ITPR1: variants seen among roughly 807,000 people sequenced by gnomAD.
The protein encoded by ITPR1 is inositol 1,4,5-trisphosphate receptor type 1.
In ITPR1, 96 loss-of-function variants were observed where a neutral mutation model predicts 318.4. That is an observed-to-expected ratio of 0.30 (90% CI 0.26 to 0.36). ITPR1 has a LOEUF of 0.36. Ranked by LOEUF, ITPR1 falls within the 10% of genes least tolerant of loss-of-function variation. The pLI is 1.00. For missense variants in ITPR1, 2,440 were observed against 3,460.2 expected, an observed-to-expected ratio of 0.71 and a Z score of 7.40; for synonymous variants, 1,312 against 1,289.9, an observed-to-expected ratio of 1.02 and a Z score of -0.37.
At chr3:4,500,724 C>T (rs896162959) in intron 2 of ITPR1, among the ~76,000 whole-genome samples, 4 of 152,132 alleles carry the variant, frequency 2.6e-5, no homozygotes, top group Non-Finnish European at 4.4e-5. Context: ...GCCTTAGTGT[C>T]CTGAGGCTAA....
intron 35 of ITPR1, among the ~76,000 whole-genome samples, chr3:4,700,375 C>T (rs2094628139): frequency 6.6e-6 from 1 of 152,180 alleles, no homozygotes; most frequent in Non-Finnish European, 1.5e-5. Flanking sequence ...ACTACTCTAT[C>T]CCTTGTACCT....
At chr3:4,660,771 A>G (rs2093814834) in intron 13 of ITPR1, among the ~76,000 whole-genome samples, 1 of 152,240 alleles carries the variant, frequency 6.6e-6, no homozygotes, top group Non-Finnish European at 1.5e-5. Flanking sequence ...TATAATATAT[A>G]ACAGTAACTG....
In ITPR1 at chr3:4,732,002, G is replaced by T. The variant is rs565594365; in HGVS notation, c.5221-1086G>T. Among the ~76,000 whole-genome samples, 15 of 152,190 alleles carry T rather than the reference G, an allele frequency of 9.9e-5. No homozygotes were observed. The South Asian group carries it at 3.1e-3, about 32-fold the overall frequency. ...CTTCTCCCTCACCTCTCTTCATGACGTACCAGAGGAACTCCGTGACTTGCT... is the reference window on the plus strand; with the variant it reads ...CTTCTCCCTCACCTCTCTTCATGACTTACCAGAGGAACTCCGTGACTTGCT... On this transcript the variant is annotated intron_variant, in intron 42 of 61. Coordinates refer to ENST00000649015, the MANE Select transcript of ITPR1 (RefSeq NM_001378452.1).
At chr3:4,754,853 T>C (rs1450998949) in intron 44 of ITPR1, among the ~76,000 whole-genome samples, 1 of 152,266 alleles carries the variant, frequency 6.6e-6, no homozygotes, top group East Asian at 1.9e-4. Context: ...AAGGGTATCG[T>C]TGATTTGACA....
rs1559630033 is a variant in ITPR1, at chr3:4,658,180, G to A, written c.1053G>A (p.Met351Ile). The A allele has an allele frequency of 1.2e-6, 2 of 1,613,548 alleles. No homozygotes were observed. Among genetic ancestry groups the A allele is most frequent in the Non-Finnish European group, 1.7e-6 (2 of 1,179,624 alleles). The part of the protein sequence containing the change: ...RSRLRNAQEK[M>I]VYSLVSVPEG... ...GGTTGCGGAATGCCCAAGAAAAGAT[G>A]GTATACTCCCTGGTCTCTGTGCCTG... is the stretch of plus-strand genomic sequence containing the variant. Residue 351 changes from methionine (M) to isoleucine (I), a missense_variant, in exon 13 of 62, where the codon ATG (methionine) becomes ATA (isoleucine). Physicochemically the swap from Met to Ile is conservative, Grantham distance 10. Transcript: ENST00000649015.
chr3:4,725,319 C>A (rs1185071613), intron 40 of ITPR1, among the ~76,000 whole-genome samples: 4 of 151,936 alleles, frequency 2.6e-5, no homozygotes, highest in Non-Finnish European at 5.9e-5. Context: ...AATGTGTTCC[C>A]CCATCGCAGG....
At chr3:4,833,797 G>A (rs2050686313) in intron 60 of ITPR1, among the ~76,000 whole-genome samples, 1 of 152,188 alleles carries the variant, frequency 6.6e-6, no homozygotes, top group South Asian at 2.1e-4. Flanking sequence ...GCTTGAAGAG[G>A]ATTTTAGCCA....
intron 13 of ITPR1, among the ~76,000 whole-genome samples, chr3:4,660,369 A>G (rs140885451): frequency 6.0e-5 from 9 of 150,948 alleles, no homozygotes; most frequent in Non-Finnish European, 8.9e-5. Flanking sequence ...TTTTAATGCA[A>G]TGGGCTACTC....
chr3:4,828,919 G>T (rs1258585395), intron 60 of ITPR1, among the ~76,000 whole-genome samples: 1 of 152,158 alleles, frequency 6.6e-6, no homozygotes, highest in Non-Finnish European at 1.5e-5. Flanking sequence ...GGTAAAAAGA[G>T]AAATCAGTAT....
chr3:4,519,353 T>G (rs915078282), intron 3 of ITPR1, among the ~76,000 whole-genome samples: 1 of 152,104 alleles, frequency 6.6e-6, no homozygotes, highest in East Asian at 1.9e-4. Context: ...CAGCCTCCCA[T>G]GTAGCTGGGA....
chr3:4,614,985 G>C (rs1159165782), intron 4 of ITPR1, among the ~76,000 whole-genome samples: 1 of 152,180 alleles, frequency 6.6e-6, no homozygotes, highest in African/African-American at 2.4e-5. Context: ...ACTAACATAA[G>C]CCCAAAAGGA....
chr3:4,815,855 T>G (rs2049261439), intron 59 of ITPR1, among the ~76,000 whole-genome samples: 1 of 152,200 alleles, frequency 6.6e-6, no homozygotes, highest in African/African-American at 2.4e-5. Context: ...TTTTGCCCCC[T>G]TAAAACCTTT....
At chr3:4,602,786 T>C (rs1353700012) in intron 4 of ITPR1, among the ~76,000 whole-genome samples, 37 of 152,108 alleles carry the variant, frequency 2.4e-4, no homozygotes, top group Admixed American at 2.4e-3. Context: ...TGTGATTCTA[T>C]TTATGTAAAA....
chr3:4,611,388 C>T (rs898736252), intron 4 of ITPR1, among the ~76,000 whole-genome samples: 27 of 151,522 alleles, frequency 1.8e-4, no homozygotes, highest in African/African-American at 5.6e-4. Flanking sequence ...GGTGAAACCC[C>T]GTCTTTACTA....
rs993682872 is a variant in ITPR1, at chr3:4,494,735, T to G, written c.-17+229T>G. On this transcript the variant is annotated intron_variant, in intron 2 of 61. Transcript: ENST00000649015. ...AGAATTGAAGGAGCCTGAAAGTTTA[T>G]GAGAGAGGAGGGGAAAAGGCCATTA... Among the ~76,000 whole-genome samples the G allele has an allele frequency of 3.3e-5, 5 of 152,118 alleles. No homozygotes were observed. The East Asian group carries it at 9.6e-4, about 29-fold the overall frequency.
intron 4 of ITPR1, among the ~76,000 whole-genome samples, chr3:4,625,801 C>T (rs1003342195): frequency 2.0e-5 from 3 of 152,212 alleles, no homozygotes; most frequent in African/African-American, 7.2e-5. Flanking sequence ...TCATGATCCA[C>T]CTGCCTTGGC....
intron 26 of ITPR1, among the ~76,000 whole-genome samples, chr3:4,682,386 C>A (rs1574839703): frequency 6.6e-6 from 1 of 152,184 alleles, no homozygotes; most frequent in Admixed American, 6.5e-5. Context: ...CTAATTGGGC[C>A]TCTGCTTGCA....
At chr3:4,532,563 G>A (rs1289826138) in intron 4 of ITPR1, among the ~76,000 whole-genome samples, 1 of 152,020 alleles carries the variant, frequency 6.6e-6, no homozygotes, top group Non-Finnish European at 1.5e-5. Context: ...TAGAGACGGG[G>A]TTTCGCCACG....
chr3:4,833,401 T>C (rs1199802361), intron 60 of ITPR1, among the ~76,000 whole-genome samples: 3 of 152,236 alleles, frequency 2.0e-5, no homozygotes, highest in African/African-American at 7.2e-5. Context: ...GAAATGTGTG[T>C]TTTCTATTTT....
Sources: gnomAD v4.1 joint callset for allele counts (sites outside exome capture counted in the v4.1 genomes callset) on GRCh38, gnomAD v4.1.1 for gene constraint, MANE v1.5 for transcripts, NCBI Gene and HGNC (gene_info 2026-07-23, HGNC 2026-07-21) for gene names.